Variants in CEP112 observed in about 807,000 individuals in gnomAD.
CEP112 encodes centrosomal protein of 112 kDa.
Under a neutral mutation model 153.0 loss-of-function variants are expected in CEP112, and 127 were observed. The observed-to-expected ratio is 0.83, with a 90% CI of 0.72 to 0.96. CEP112 has a LOEUF of 0.96. Ranked by LOEUF, CEP112 falls within the 40% of genes least tolerant of loss-of-function variation. The probability of loss-of-function intolerance (pLI) is 0.00; values close to 1 mark genes in which losing one functional copy is unlikely to be tolerated. For synonymous variants in CEP112, 358 were observed against 374.4 expected (o/e 0.96, Z 0.51); for missense variants, 1,089 against 1,101.2 (o/e 0.99, Z 0.16).
chr17:65,741,889 A>G (rs2051159516), intron 23 of CEP112, among the ~76,000 whole-genome samples: 1 of 152,100 alleles, frequency 6.6e-6, no homozygotes. Context: ...AAAACTTGAA[A>G]GATGTTTTTA....
intron 12 of CEP112, among the ~76,000 whole-genome samples, 195 bp downstream of exon 12, chr17:66,053,541 A>G (rs980437998): frequency 1.3e-5 from 2 of 152,178 alleles, no homozygotes; most frequent in Non-Finnish European, 2.9e-5. Flanking sequence ...CATTAAACAC[A>G]CTAGAGTCAA....
At chr17:65,738,179 T>C (rs929786749) in intron 23 of CEP112, among the ~76,000 whole-genome samples, 1 of 152,192 alleles carries the variant, frequency 6.6e-6, no homozygotes, top group East Asian at 1.9e-4. Context: ...GGCGCCACTA[T>C]GGTAAAAGGC....
chr17:66,077,480 GTCT>G (rs2067546278), intron 8 of CEP112, among the ~76,000 whole-genome samples: 1 of 152,102 alleles, frequency 6.6e-6, no homozygotes, highest in Non-Finnish European at 1.5e-5. Context: ...TGACGACAAG[GTCT>G]TCTAATTAAC....
At chr17:65,643,186 A>G (rs577006099) in intron 24 of CEP112, among the ~76,000 whole-genome samples, 12 of 152,332 alleles carry the variant, frequency 7.9e-5, no homozygotes, top group African/African-American at 2.9e-4. Flanking sequence ...CCTTGCTCAT[A>G]GGTGAGCTTG....
intron 19 of CEP112, among the ~76,000 whole-genome samples, chr17:65,925,445 A>G (rs1020474998): frequency 5.3e-5 from 8 of 152,324 alleles, no homozygotes; most frequent in Admixed American, 4.6e-4. Context: ...AAAACAATAA[A>G]TGTCATCTAA....
chr17:65,930,855 AT>A (rs5821568), intron 18 of CEP112, among the ~76,000 whole-genome samples: 62,219 of 147,838 alleles, frequency 0.42, 14,083 homozygotes, highest in East Asian at 0.85. Flanking sequence ...AGGTCTTTTC[AT>A]TTTTTTTTTT....
intron 4 of CEP112, among the ~76,000 whole-genome samples, chr17:66,155,509 T>C (rs1488825459): frequency 6.6e-6 from 1 of 151,678 alleles, no homozygotes; most frequent in Admixed American, 6.6e-5. Context: ...TTTTTTTTTT[T>C]CATACCCCAG....
intron 8 of CEP112, among the ~76,000 whole-genome samples, chr17:66,093,207 T>A (rs2068210405): frequency 6.6e-6 from 1 of 152,074 alleles, no homozygotes; most frequent in South Asian, 2.1e-4. Context: ...TGGCACACAG[T>A]GGCAAATGCC....
chr17:65,704,411 C>T (rs1295323961), intron 23 of CEP112, among the ~76,000 whole-genome samples: 1 of 132,746 alleles, frequency 7.5e-6, no homozygotes, highest in Non-Finnish European at 1.5e-5. Flanking sequence ...TCTTGTAAAA[C>T]GTGTAAAATA....
At chr17:65,891,757 T>C (rs892428922) in intron 20 of CEP112, among the ~76,000 whole-genome samples, 4 of 152,168 alleles carry the variant, frequency 2.6e-5, no homozygotes, top group Non-Finnish European at 4.4e-5. Flanking sequence ...CCCTTTCTCA[T>C]ACCTGCTATG....
At chr17:66,149,880 G>GTTTTTTT (rs1568549274) in intron 4 of CEP112, among the ~76,000 whole-genome samples, 1 of 60,736 alleles carries the variant, frequency 1.6e-5, no homozygotes, top group Non-Finnish European at 3.0e-5. Context: ...TTTTTTTTTT[G>GTTTTTTT]TTTGTTTGTT....
At chr17:66,025,061 G>T (rs2065145505) in intron 16 of CEP112, among the ~76,000 whole-genome samples, 1 of 152,112 alleles carries the variant, frequency 6.6e-6, no homozygotes, top group Non-Finnish European at 1.5e-5. Flanking sequence ...TCAATAAATG[G>T]TGCTCAGCAA....
intron 18 of CEP112, among the ~76,000 whole-genome samples, chr17:65,943,750 T>A (rs1599098566): frequency 6.6e-6 from 1 of 152,018 alleles, no homozygotes; most frequent in South Asian, 2.1e-4. Context: ...AATTTGAATG[T>A]TGGCCTATCT....
At chr17:66,000,493 A>T (rs1598064545) in intron 17 of CEP112, among the ~76,000 whole-genome samples, 1 of 27,170 alleles carries the variant, frequency 3.7e-5, no homozygotes, top group Non-Finnish European at 6.6e-5. Context: ...TCAGTAGATT[A>T]AAAAAAAAAA....
chr17:66,024,776 T>C (rs187160160), intron 16 of CEP112, among the ~76,000 whole-genome samples: 67 of 152,158 alleles, frequency 4.4e-4, no homozygotes, highest in African/African-American at 1.6e-3. Context: ...ATAATTTTTC[T>C]CAGACTTAGA....
chr17:66,176,122 A>C (rs185312323), intron 3 of CEP112, among the ~76,000 whole-genome samples: 16 of 152,366 alleles, frequency 1.1e-4, no homozygotes, highest in Admixed American at 1.0e-3. Context: ...TGCTTTAAGT[A>C]AACTAATAAA....
intron 21 of CEP112, among the ~76,000 whole-genome samples, chr17:65,823,632 T>A (rs1375057870): frequency 6.6e-6 from 1 of 152,218 alleles, no homozygotes; most frequent in South Asian, 2.1e-4. Context: ...AAAAACATCA[T>A]CTATAAAAGA....
At chr17:65,691,457 G>A (rs1325469022) in intron 23 of CEP112, among the ~76,000 whole-genome samples, 1 of 152,154 alleles carries the variant, frequency 6.6e-6, no homozygotes, top group Non-Finnish European at 1.5e-5. Context: ...TAGATTGCCT[G>A]AAGCCCATCT....
intron 12 of CEP112, among the ~76,000 whole-genome samples, chr17:66,050,983 C>T (rs1322364622): frequency 6.6e-6 from 1 of 152,026 alleles, no homozygotes; most frequent in Admixed American, 6.6e-5. Context: ...CTTCATCAAA[C>T]AAATGTGTTA....
Sources: allele counts gnomAD v4.1 joint callset (sites outside exome capture counted in the v4.1 genomes callset), GRCh38; gene constraint gnomAD v4.1.1; transcripts MANE v1.5; gene names NCBI Gene and HGNC (gene_info 2026-07-23, HGNC 2026-07-21).